Variants in SPAG17 observed in about 807,000 individuals in gnomAD.
SPAG17 encodes sperm associated antigen 17, also known as sperm-associated antigen 17.
A neutral mutation model predicts 273.6 loss-of-function variants in SPAG17; 169 were observed. That is an observed-to-expected ratio of 0.62 (90% CI 0.55 to 0.70). SPAG17 has a LOEUF of 0.70. Ranked by LOEUF, SPAG17 falls within the 30% of genes least tolerant of loss-of-function variation. The pLI, the probability that SPAG17 is intolerant of heterozygous loss-of-function variation, is 0.00. For missense variants in SPAG17, 2,557 were observed against 2,627.8 expected (o/e 0.97, Z 0.59); for synonymous variants, 825 against 873.2 (o/e 0.94, Z 0.97).
intron 10 of SPAG17, among the ~76,000 whole-genome samples, chr1:118,090,941 G>A (rs1234558996): frequency 6.6e-6 from 1 of 151,368 alleles, no homozygotes; most frequent in Non-Finnish European, 1.5e-5. Flanking sequence ...TTAATGAAGA[G>A]ATTAATAAAA....
At chr1:118,164,887 A>G (rs895199416) in intron 1 of SPAG17, among the ~76,000 whole-genome samples, 1 of 152,220 alleles carries the variant, frequency 6.6e-6, no homozygotes, top group Non-Finnish European at 1.5e-5. Flanking sequence ...AGGAATAACC[A>G]TTGTGTAAAG....
intron 1 of SPAG17, among the ~76,000 whole-genome samples, chr1:118,170,271 A>G (rs746429176): frequency 6.6e-6 from 1 of 152,318 alleles, no homozygotes. Flanking sequence ...GATTTTAAGC[A>G]GCTCATGTTC....
chr1:117,969,724 G>A (rs1654333210), intron 46 of SPAG17, among the ~76,000 whole-genome samples: 1 of 152,122 alleles, frequency 6.6e-6, no homozygotes, highest in Non-Finnish European at 1.5e-5. Flanking sequence ...TTCGCATAAG[G>A]ATTTACTTTT....
intron 29 of SPAG17, among the ~76,000 whole-genome samples, chr1:118,013,837 C>T (rs752145917): frequency 2.0e-5 from 3 of 152,086 alleles, no homozygotes; most frequent in Admixed American, 6.6e-5. Context: ...TTCTGAATGC[C>T]TGTTAGTGCC....
intron 3 of SPAG17, among the ~76,000 whole-genome samples, chr1:118,144,968 G>A (rs1338367587): frequency 6.6e-6 from 1 of 152,164 alleles, no homozygotes; most frequent in East Asian, 1.9e-4. Flanking sequence ...GTGTCCCTAA[G>A]CTCTATGAAA....
chr1:117,956,177 T>C (rs547968545), intron 48 of SPAG17, among the ~76,000 whole-genome samples: 3 of 152,334 alleles, frequency 2.0e-5, no homozygotes, highest in South Asian at 4.1e-4. Context: ...ATTATTTTAC[T>C]GGTTTTTAAA....
chr1:118,093,489 C>G (rs564259335), intron 7 of SPAG17, among the ~76,000 whole-genome samples, 172 bp from the exon 8 acceptor site: 3 of 152,168 alleles, frequency 2.0e-5, no homozygotes, highest in Non-Finnish European at 2.9e-5. Context: ...TATTCCTGAA[C>G]CTTTCTTCTT....
chr1:117,964,113 T>A, intron 47 of SPAG17, 175 bp from the exon 48 acceptor site: 2 of 599,074 alleles, frequency 3.3e-6, no homozygotes, highest in South Asian at 4.6e-5. Context: ...AGGATGGATA[T>A]GCCAATGTCT....
intron 20 of SPAG17, among the ~76,000 whole-genome samples, chr1:118,045,969 AC>A (rs1338386983): frequency 1.3e-5 from 2 of 152,222 alleles, no homozygotes; most frequent in Non-Finnish European, 2.9e-5. Flanking sequence ...TACTCCCAGA[AC>A]ATAAAGAAGA....
At chr1:118,060,972 C>T (rs1571374895) in intron 18 of SPAG17, among the ~76,000 whole-genome samples, 1 of 152,180 alleles carries the variant, frequency 6.6e-6, no homozygotes, top group African/African-American at 2.4e-5. Flanking sequence ...CGAGGACTTG[C>T]AGATCAAAAT....
chr1:117,997,776 C>T (rs986327961), intron 32 of SPAG17, among the ~76,000 whole-genome samples: 1 of 152,068 alleles, frequency 6.6e-6, no homozygotes, highest in Non-Finnish European at 1.5e-5. Flanking sequence ...TCCAATAAAA[C>T]TTTATAAAAC....
chr1:118,039,543 G>A (rs1256303886), intron 22 of SPAG17, 99 bp from the exon 23 acceptor site: 31 of 1,266,920 alleles, frequency 2.4e-5, no homozygotes, highest in Non-Finnish European at 3.1e-5. Flanking sequence ...ACAAACACAC[G>A]AACAGAAAAC....
intron 3 of SPAG17, among the ~76,000 whole-genome samples, chr1:118,130,037 CTGT>C (rs1356408724): frequency 1.3e-5 from 2 of 152,138 alleles, no homozygotes; most frequent in Admixed American, 1.3e-4. Context: ...ATGTTCTAGG[CTGT>C]TGTTAATTTC....
At chr1:118,003,582 C>T (rs1023523052) in intron 32 of SPAG17, among the ~76,000 whole-genome samples, 3 of 152,126 alleles carry the variant, frequency 2.0e-5, no homozygotes, top group African/African-American at 4.8e-5. Flanking sequence ...GTCACTTATA[C>T]CCTTTCTTCC....
At chr1:118,140,072 T>G (rs967049011) in intron 3 of SPAG17, among the ~76,000 whole-genome samples, 2 of 152,138 alleles carry the variant, frequency 1.3e-5, no homozygotes, top group Non-Finnish European at 2.9e-5. Context: ...GGACTCCGCA[T>G]GGAGTCGCAC....
At position 118,117,817 on chromosome 1, in the gene SPAG17, G is replaced by A. The variant is rs1211828284; in HGVS notation, c.316-2376C>T. Among the ~76,000 whole-genome samples the A allele has an allele frequency of 9.2e-5, 14 of 152,346 alleles. No homozygotes were observed. In the East Asian group the frequency reaches 2.7e-3, roughly 29 times the overall value. On this transcript the variant is annotated intron_variant, in intron 3 of 48. Coordinates refer to ENST00000336338, the MANE Select transcript of SPAG17 (RefSeq NM_206996.4). ...CCAGGCATACTTGGCCTCCCCCAGGGTTGCTCTGAAAAGGCTTGACTCTCT... is the reference window on the plus strand; with the variant it reads ...CCAGGCATACTTGGCCTCCCCCAGGATTGCTCTGAAAAGGCTTGACTCTCT...
At chr1:118,053,378 T>C (rs1352840096) in intron 20 of SPAG17, among the ~76,000 whole-genome samples, 2 of 152,042 alleles carry the variant, frequency 1.3e-5, no homozygotes. Flanking sequence ...AACAAAGCTA[T>C]CATAATTAAA....
chr1:117,985,903 A>G lies in SPAG17; in HGVS notation c.5670-1121T>C, dbSNP rs139863874. Among the ~76,000 whole-genome samples the G allele has an allele frequency of 2.4e-3, 358 of 152,280 alleles. 1 individual carries two copies. The highest frequency in any genetic ancestry group is 8.4e-3 in the African/African-American group (349 of 41,558). ...TTAAAACCCAGGTTGCTTGCCTCCA[A>G]ACCCATGGTCTTGACAACTGCACAT... On this transcript the variant is annotated intron_variant, in intron 40 of 48. Transcript: ENST00000336338.
At chr1:117,975,160 T>G (rs1382534348) in intron 43 of SPAG17, among the ~76,000 whole-genome samples, 1 of 152,054 alleles carries the variant, frequency 6.6e-6, no homozygotes, top group Non-Finnish European at 1.5e-5. Context: ...GCCTGTCCTT[T>G]GTAGGAGAGG....
Sources: allele counts gnomAD v4.1 joint callset (sites outside exome capture counted in the v4.1 genomes callset), GRCh38; gene constraint gnomAD v4.1.1; transcripts MANE v1.5; gene names NCBI Gene and HGNC (gene_info 2026-07-23, HGNC 2026-07-21).